PPP2R3C: variants seen among roughly 807,000 people sequenced by gnomAD.
The protein encoded by PPP2R3C is protein phosphatase 2 regulatory subunit B''gamma.
PPP2R3C carries 47 observed loss-of-function variants against 63.7 expected under a neutral mutation model. The observed-to-expected ratio is 0.74, with a 90% CI of 0.58 to 0.94. PPP2R3C has a LOEUF of 0.94. PPP2R3C is among the 40% of genes least tolerant of loss of function. The pLI is 0.00. For missense variants in PPP2R3C, 421 were observed against 518.4 expected (o/e 0.81, Z 1.82); for synonymous variants, 180 against 177.4 (o/e 1.01, Z -0.12).
At chr14:35,117,279 T>C (rs1236625547) in intron 1 of PPP2R3C, 2 of 407,980 alleles carry the variant, frequency 4.9e-6, no homozygotes, top group Non-Finnish European at 9.8e-6. Context: ...CGTGGCTGTC[T>C]CATTCAGCCA....
At chr14:35,087,899 A>G in intron 12 of PPP2R3C, 52 bp downstream of exon 12, 1 of 1,366,710 alleles carries the variant, frequency 7.3e-7, no homozygotes, top group South Asian at 1.2e-5. Flanking sequence ...ATGTAATACA[A>G]ATGACTATCT....
intron 9 of PPP2R3C, 101 bp from the exon 10 acceptor site, chr14:35,095,285 C>T: frequency 8.4e-7 from 1 of 1,191,086 alleles, no homozygotes. Context: ...TTTTGATTTT[C>T]AAACTATTCA....
chr14:35,107,913 C>CT (rs780516711), intron 5 of PPP2R3C: 2 of 462,658 alleles, frequency 4.3e-6, no homozygotes, highest in Non-Finnish European at 7.4e-6. Flanking sequence ...TGGTTCAGCT[C>CT]TTAATATTTC....
Position 35,121,873 on chromosome 14 carries a change from C to G in PPP2R3C, c.58+29G>C, listed in dbSNP as rs761346425. 8 of 1,613,724 alleles carry G rather than the reference C, an allele frequency of 5.0e-6. No homozygotes were observed. In the Admixed American group the frequency reaches 8.3e-5, roughly 17 times the overall value. ...CTCTAGGAGTTTAGGGCCGGGCCAT[C>G]CCAACGGGCTGCCCCTCCCAAAACT... On this transcript the variant is annotated intron_variant, in intron 1 of 12. Coordinates refer to ENST00000261475, the MANE Select transcript of PPP2R3C (RefSeq NM_017917.4).
chr14:35,095,592 C>A (rs996238003), intron 9 of PPP2R3C, among the ~76,000 whole-genome samples: 1 of 151,458 alleles, frequency 6.6e-6, no homozygotes, highest in Non-Finnish European at 1.5e-5. Flanking sequence ...GTAATCCCAG[C>A]ACTTTGGGAG....
intron 6 of PPP2R3C, among the ~76,000 whole-genome samples, chr14:35,104,123 C>T (rs2138667112): frequency 6.6e-6 from 1 of 152,238 alleles, no homozygotes; most frequent in Non-Finnish European, 1.5e-5. Flanking sequence ...TTTTATAAAT[C>T]AAGTGAACTG....
At chr14:35,090,237 G>GTTTTTTT (rs34745484) in intron 11 of PPP2R3C, among the ~76,000 whole-genome samples, 9 of 116,892 alleles carry the variant, frequency 7.7e-5, no homozygotes, top group Non-Finnish European at 1.6e-4. Flanking sequence ...GGTAGTTGTA[G>GTTTTTTT]TTTTTTTTTT....
intron 6 of PPP2R3C, among the ~76,000 whole-genome samples, chr14:35,103,992 G>C (rs1169166235): frequency 6.6e-6 from 1 of 152,134 alleles, no homozygotes; most frequent in Non-Finnish European, 1.5e-5. Flanking sequence ...AACAACTATA[G>C]AAGTACACTG....
rs539859550 is a variant in PPP2R3C at position 35,088,592 on chromosome 14, C to G, written c.1114-582G>C. Among the ~76,000 whole-genome samples, 26 of 152,316 alleles carry G rather than the reference C, an allele frequency of 1.7e-4. 1 individual carries two copies. In the South Asian group the frequency reaches 3.3e-3, roughly 19 times the overall value. On this transcript the variant is annotated intron_variant, in intron 11 of 12. Coordinates refer to ENST00000261475, the MANE Select transcript of PPP2R3C (RefSeq NM_017917.4). ...CACTGGAAATGTGAAGTTTCAAATTCTTGGTGAACAGTCAACTTTGTTCCC... is the reference window on the plus strand; with the variant it reads ...CACTGGAAATGTGAAGTTTCAAATTGTTGGTGAACAGTCAACTTTGTTCCC...
At chr14:35,099,562 T>A (rs1566411754) in intron 6 of PPP2R3C, 178 bp from the exon 7 acceptor site, 1 of 771,352 alleles carries the variant, frequency 1.3e-6, no homozygotes, top group Non-Finnish European at 1.9e-6. Context: ...TTTAGCATTT[T>A]TGAAAAGTAG....
Position 35,118,836 on chromosome 14 carries a change from T to C in PPP2R3C, c.59-2099A>G, listed in dbSNP as rs553818987. ...GCCCGGCTAAATTTTGTATTTTTAG[T>C]AGAGAGAGCGTTTCACCACGTTGGC... On this transcript the variant is annotated intron_variant, in intron 1 of 12. Coordinates refer to ENST00000261475, the MANE Select transcript of PPP2R3C (RefSeq NM_017917.4). Among the ~76,000 whole-genome samples, 43 of 152,084 alleles carry C rather than the reference T, an allele frequency of 2.8e-4. No individual in the cohort carries two copies. In the South Asian group the frequency reaches 8.9e-3, roughly 32 times the overall value.
chr14:35,093,801 G>A (rs553573513), intron 10 of PPP2R3C, among the ~76,000 whole-genome samples: 148 of 152,072 alleles, frequency 9.7e-4, no homozygotes, highest in African/African-American at 3.4e-3. Flanking sequence ...ACAGGTGCCC[G>A]TCACCGCACC....
chr14:35,119,618 A>G (rs989898291), intron 1 of PPP2R3C, among the ~76,000 whole-genome samples: 72 of 152,184 alleles, frequency 4.7e-4, no homozygotes, highest in African/African-American at 1.2e-4. Context: ...CTGGGGTTAC[A>G]TGAATGAGCC....
rs540598606 is a variant in PPP2R3C, at chr14:35,095,719, G to A, written c.839-535C>T. On this transcript the variant is annotated intron_variant, in intron 9 of 12. Coordinates refer to ENST00000261475, the MANE Select transcript of PPP2R3C (RefSeq NM_017917.4). Reference sequence around the variant, plus strand: ...AAAAACATTAGCCGGGTGTGGTGGCGAGCGCCTGTAATCCCAGGTACTTGG... The same window carrying A: ...AAAAACATTAGCCGGGTGTGGTGGCAAGCGCCTGTAATCCCAGGTACTTGG... 8.6e-5 allele frequency among the ~76,000 whole-genome samples: 13 copies of A among 150,906 alleles called. No homozygotes were observed. In the South Asian group the frequency reaches 2.3e-3, roughly 27 times the overall value.
chr14:35,108,125 TA>T lies in PPP2R3C; in HGVS notation c.502+13del. The T allele has an allele frequency of 6.2e-7, 1 of 1,605,824 alleles. No individual in the cohort carries two copies. The highest frequency in any genetic ancestry group is 8.5e-7 in the Non-Finnish European group (1 of 1,177,940). ...TCCCAGATAAGGAGTTCAAGCACAG[TA>T]AAAATGAATCACCTTTTCTCATGAC... On this transcript the variant is annotated intron_variant, in intron 5 of 12. Coordinates refer to ENST00000261475, the MANE Select transcript of PPP2R3C (RefSeq NM_017917.4).
chr14:35,089,276 A>G (rs946778978), intron 11 of PPP2R3C, among the ~76,000 whole-genome samples: 1 of 151,790 alleles, frequency 6.6e-6, no homozygotes, highest in African/African-American at 2.4e-5. Context: ...CTAATTTTTA[A>G]TTTTTTTGTA....
intron 12 of PPP2R3C, chr14:35,087,217 A>G (rs1450455291): frequency 6.6e-6 from 1 of 152,160 alleles, no homozygotes; most frequent in Admixed American, 6.6e-5. Context: ...GAATTAGTAC[A>G]TGTTTTCTAA....
At chr14:35,085,911 T>C (rs531977949) in intron 12 of PPP2R3C, 133 bp from the exon 13 acceptor site, 2 of 693,088 alleles carry the variant, frequency 2.9e-6, no homozygotes, top group Non-Finnish European at 2.2e-6. Context: ...CTTGGGCTTA[T>C]GTTAATTTTT....
At chr14:35,095,685 A>C (rs7493446) in intron 9 of PPP2R3C, among the ~76,000 whole-genome samples, 226 of 149,208 alleles carry the variant, frequency 1.5e-3, no homozygotes, top group African/African-American at 5.4e-3. Context: ...AAAAAAAAAA[A>C]CAAAAAAAAA....
Sources: allele counts gnomAD v4.1 joint callset (sites outside exome capture counted in the v4.1 genomes callset), GRCh38; gene constraint gnomAD v4.1.1; transcripts MANE v1.5; gene names NCBI Gene and HGNC (gene_info 2026-07-23, HGNC 2026-07-21).